CLSPN: variants seen among roughly 807,000 people sequenced by gnomAD.
The protein encoded by CLSPN is claspin, also known as claspin homolog.
Under a neutral mutation model 156.3 loss-of-function variants are expected in CLSPN, and 85 were observed. The ratio of observed to expected loss-of-function variants is 0.54; its 90% CI spans 0.46 to 0.65. The LOEUF is 0.65. CLSPN is among the 30% of genes least tolerant of loss of function. The pLI is 0.00. For missense variants in CLSPN, 1,407 were observed against 1,554.9 expected (o/e 0.90, Z 1.60); for synonymous variants, 534 against 542.4 (o/e 0.98, Z 0.22).
rs1012230535 is a variant in CLSPN at position 35,736,273 on chromosome 1, T to C, written c.*223A>G. On this transcript the variant is annotated 3_prime_UTR_variant, in exon 25 of 25. Coordinates refer to ENST00000318121, the MANE Select transcript of CLSPN (RefSeq NM_022111.4). ...CAAGTATTCCATGAGTTGTTGATGT[T>C]GTAAATACTGCAGAATTGAAATCAG... 3.3e-5 allele frequency: 39 copies of C among 1,174,976 alleles called. No homozygotes were observed. Among genetic ancestry groups the C allele is most frequent in the Non-Finnish European group, 3.3e-5 (31 of 952,658 alleles). 72.8% of individuals were successfully genotyped at this position (1,174,976 alleles called of 1,614,324 possible).
At chr1:35,730,803 T>C (rs1049753560), downstream of CLSPN, among the ~76,000 whole-genome samples, 1 of 151,810 alleles carries the variant, frequency 6.6e-6, no homozygotes, top group African/African-American at 2.4e-5. Flanking sequence ...AAGGTTGCAG[T>C]GAGCTGAGAT....
chr1:35,746,081 G>A lies in CLSPN; in HGVS notation c.2855-519C>T, dbSNP rs966694870. Among the ~76,000 whole-genome samples the A allele has an allele frequency of 3.3e-5, 5 of 152,034 alleles. No individual in the cohort carries two copies. The highest frequency in any genetic ancestry group is 6.6e-5 in the Admixed American group (1 of 15,266). On this transcript the variant is annotated intron_variant, in intron 15 of 24. Transcript: ENST00000318121. The surrounding 1 kb of genome is among the most constrained non-coding windows in gnomAD (Gnocchi z 4.2). ...CTGTCTCAGCCTCCCAAGTAGCTGCGATTACAGGCACGGGCCACCATGCCC... is the reference window on the plus strand; with the variant it reads ...CTGTCTCAGCCTCCCAAGTAGCTGCAATTACAGGCACGGGCCACCATGCCC...
chr1:35,769,760 C>T (rs542040375), intron 1 of CLSPN, 87 bp downstream of exon 1: 4 of 1,317,908 alleles, frequency 3.0e-6, no homozygotes, highest in South Asian at 1.6e-5. Context: ...CCGGGCGCCT[C>T]GGGTCAGCGG....
Position 35,753,857 on chromosome 1 carries a change from C to T in CLSPN, c.1659G>A (p.Val553=), listed in dbSNP as rs1452013995. Residue 553 remains valine (V), a synonymous_variant, in exon 9 of 25, where the codon GTG becomes GTA. Transcript: ENST00000318121. ...AKPRAGQTVN[V]NVIVKDMGTD... ...TGCCCATGTCTTTCACTATGACGTT[C>T]ACATTCACTGTCTGACCAGCCCTGG... 3 of 1,614,096 alleles carry T rather than the reference C, an allele frequency of 1.9e-6. No individual in the cohort carries two copies. The highest frequency in any genetic ancestry group is 1.7e-6 in the Non-Finnish European group (2 of 1,180,038).
chr1:35,721,810 G>C (rs1320345675), intron 24 of CLSPN, among the ~76,000 whole-genome samples: 1 of 151,602 alleles, frequency 6.6e-6, no homozygotes, highest in Non-Finnish European at 1.5e-5. Flanking sequence ...ATGCATTCTG[G>C]CCACAAAGGA....
chr1:35,739,778 T>C lies in CLSPN; in HGVS notation c.3144-249A>G, dbSNP rs574695098. 1.7e-4 allele frequency among the ~76,000 whole-genome samples: 26 copies of C among 152,354 alleles called. 1 individual carries two copies. In the East Asian group the frequency reaches 4.6e-3, roughly 27 times the overall value. On this transcript the variant is annotated intron_variant, in intron 18 of 24. Transcript: ENST00000318121. ...TTACGATGGAGTTATATCTGGATAATATGAAAGTGCATTTTCAACTTATGA... is the reference window on the plus strand; with the variant it reads ...TTACGATGGAGTTATATCTGGATAACATGAAAGTGCATTTTCAACTTATGA...
At chr1:35,752,272 T>C (rs988387735) in intron 9 of CLSPN, among the ~76,000 whole-genome samples, 1 of 152,186 alleles carries the variant, frequency 6.6e-6, no homozygotes, top group African/African-American at 2.4e-5. Context: ...TGGAATATTA[T>C]GCAGCCATTT....
chr1:35,757,875 C>G (rs981420653), intron 8 of CLSPN, among the ~76,000 whole-genome samples: 12 of 152,348 alleles, frequency 7.9e-5, no homozygotes, highest in African/African-American at 2.4e-4. Context: ...GTCCTTCTCT[C>G]CATCTCCAAA....
At chr1:35,742,460 C>T (rs1006850305) in intron 18 of CLSPN, among the ~76,000 whole-genome samples, 1 of 152,100 alleles carries the variant, frequency 6.6e-6, no homozygotes, top group African/African-American at 2.4e-5. Context: ...CTCCCATATT[C>T]AAGCAATTCT....
rs566540137 is a variant in CLSPN at position 35,733,192 on chromosome 1, T to C, written c.*3304A>G. On this transcript the variant is annotated 3_prime_UTR_variant, in exon 25 of 25. Transcript: ENST00000318121. ...CTTGTTGGTCAGTCTGGTCTCCAAC[T>C]CCTGACCTTAGGTGATCCAGCTGCC... 1.3e-5 allele frequency among the ~76,000 whole-genome samples: 2 copies of C among 152,220 alleles called. No individual in the cohort carries two copies. The highest frequency in any genetic ancestry group is 4.8e-5 in the African/African-American group (2 of 41,548).
chr1:35,760,815 G>A lies in CLSPN; in HGVS notation c.1106C>T (p.Thr369Ile). Residue 369 changes from threonine (T) to isoleucine (I), a missense_variant, in exon 8 of 25, where the codon ACA becomes ATA. By Grantham distance (89) the Thr-to-Ile change is moderately conservative (BLOSUM62 -1). This residue lies in a region of CLSPN where 1,096 missense variants were observed against 1,193.0 expected (regional missense o/e 0.92). Transcript: ENST00000318121. ...AGTTTCCACTTCATTTTCTGCACCT[G>A]TTGTCTGCTCAGAACCTTTACTATG... The part of the protein sequence containing the change: ...DHHSKGSEQT[T>I]GAENEVETNA... 6.2e-7 allele frequency: 1 copy of A among 1,613,706 alleles called. No individual in the cohort carries two copies. Among genetic ancestry groups the A allele is most frequent in the Non-Finnish European group, 8.5e-7 (1 of 1,179,928 alleles).
chr1:35,766,740 G>C (rs1016102808), intron 1 of CLSPN, among the ~76,000 whole-genome samples: 1 of 151,728 alleles, frequency 6.6e-6, no homozygotes, highest in Non-Finnish European at 1.5e-5. Flanking sequence ...CACCACGCCC[G>C]GCTATATGTA....
chr1:35,736,940 C>A lies in CLSPN; in HGVS notation c.3883G>T (p.Ala1295Ser). The change falls in exon 24 of 25, where the codon GCG becomes TCG. Residue 1295 changes from alanine to serine, a missense_variant. Transcript: ENST00000318121. ...FHTLSPVKAE[A>S]AKESSKSQVK... is the part of the protein sequence containing the mutation. ...TGAGACTTAGACGATTCCTTTGCCG[C>A]CTCAGCCTTGACAGGAGAAAGTGTA... The A allele has an allele frequency of 6.2e-7, 1 of 1,614,134 alleles. No individual in the cohort carries two copies. Among genetic ancestry groups the A allele is most frequent in the South Asian group, 1.1e-5 (1 of 91,066 alleles).
At position 35,746,697 on chromosome 1, in the gene CLSPN, C is replaced by T; in HGVS notation, c.2854+69G>A. 7.2e-6 allele frequency: 8 copies of T among 1,104,632 alleles called. No homozygotes were observed. The highest frequency in any genetic ancestry group is 1.1e-5 in the Non-Finnish European group (8 of 724,434). The allele number at this position is 1,104,632 out of a possible 1,614,324, so 68.4% of individuals were successfully genotyped here. ...ACAGGCATGAGCCACCCCACCCGCCCAGGGAATTCTTTTCAAGGGCACTGA... is the reference window on the plus strand; with the variant it reads ...ACAGGCATGAGCCACCCCACCCGCCTAGGGAATTCTTTTCAAGGGCACTGA... On this transcript the variant is annotated intron_variant, in intron 15 of 24. Coordinates refer to ENST00000318121, the MANE Select transcript of CLSPN (RefSeq NM_022111.4). This position sits in a 1 kb window ranked among gnomAD's most constrained non-coding sequence, Gnocchi z 4.2.
intron 14 of CLSPN, among the ~76,000 whole-genome samples, chr1:35,747,564 C>T (rs1327696881): frequency 6.6e-6 from 1 of 152,176 alleles, no homozygotes; most frequent in Non-Finnish European, 1.5e-5. Context: ...CAGGGCTTGG[C>T]ATTATGTCCT....
Position 35,749,514 on chromosome 1 carries a change from T to C in CLSPN, c.2225A>G (p.Glu742Gly). Residue 742 changes from glutamate to glycine, a missense_variant, in exon 12 of 25, where the codon GAA becomes GGA. Glu to Gly is a moderately conservative substitution (Grantham distance 98). Around this residue, in one of 3 missense-constraint regions of CLSPN, gnomAD observed 1,096 missense variants for 1,193.0 expected, o/e 0.92. Transcript: ENST00000318121. Reference sequence around the variant, plus strand: ...TGAGTTTTCATCTGTTTCTGATTTTTCTTCAGTAGGAAAGTAACTGCAAAA... The same window carrying C: ...TGAGTTTTCATCTGTTTCTGATTTTCCTTCAGTAGGAAAGTAACTGCAAAA... ...SSKMGYFPTE[E>G]KSETDENSGK... 6.2e-7 allele frequency: 1 copy of C among 1,614,156 alleles called. No homozygotes were observed. The highest frequency in any genetic ancestry group is 8.5e-7 in the Non-Finnish European group (1 of 1,180,002).
chr1:35,738,054 C>A lies in CLSPN; in HGVS notation c.3602G>T (p.Gly1201Val). Residue 1201 changes from glycine (G) to valine (V), a missense_variant, in exon 22 of 25, where the codon GGG (glycine) becomes GTG (valine). Gly to Val is a moderately radical substitution (Grantham distance 109, BLOSUM62 -3). Coordinates refer to ENST00000318121, the MANE Select transcript of CLSPN (RefSeq NM_022111.4). ...KITAEEEEEIGEDSQFMILAK... is the reference protein window; with the variant it reads ...KITAEEEEEIVEDSQFMILAK... ...CAGTATCATAAACTGACTGTCCTCC[C>A]CAATTTCTTCTTCTTCTTCAGCTGT... is the stretch of plus-strand genomic sequence containing the variant. 1 of 1,467,958 alleles carries A rather than the reference C, an allele frequency of 6.8e-7. No individual in the cohort carries two copies. The allele number at this position is 1,467,958 out of a possible 1,614,324, so 90.9% of individuals were successfully genotyped here.
intron 4 of CLSPN, among the ~76,000 whole-genome samples, chr1:35,762,816 C>T (rs1642528276): frequency 6.6e-6 from 1 of 152,056 alleles, no homozygotes; most frequent in South Asian, 2.1e-4. Context: ...TCTTTGATAC[C>T]CTTCCTGAAA....
At position 35,745,466 on chromosome 1, in the gene CLSPN, G is replaced by C. The variant is rs375382706; in HGVS notation, c.2951C>G (p.Ser984Cys). 6.2e-7 allele frequency: 1 copy of C among 1,612,880 alleles called. No individual in the cohort carries two copies. Among genetic ancestry groups the C allele is most frequent in the African/African-American group, 1.3e-5 (1 of 75,040 alleles). ...TGAGACTTACTTGTCTGTGGGAAAA[G>C]AGCCTGAGCAAAGAGCAAGTGCTTC... The part of the protein sequence containing the change: ...MEEALALCSG[S>C]FPTDKEEEDE... The change falls in exon 16 of 25, where the codon TCT (serine) becomes TGT (cysteine). Residue 984 changes from serine to cysteine, a missense_variant. By Grantham distance (112) the Ser-to-Cys change is moderately radical. Coordinates refer to ENST00000318121, the MANE Select transcript of CLSPN (RefSeq NM_022111.4).
Sources: allele counts gnomAD v4.1 joint callset (sites outside exome capture counted in the v4.1 genomes callset), GRCh38; gene constraint gnomAD v4.1.1; regional missense constraint gnomAD v4.1.1; non-coding constraint Gnocchi (gnomAD v3.1); transcripts MANE v1.5; gene names NCBI Gene and HGNC (gene_info 2026-07-23, HGNC 2026-07-21).